Variants in OFD1 observed in about 807,000 individuals in gnomAD.
OFD1 encodes the protein OFD1 centriole and centriolar satellite protein.
In OFD1, 12 loss-of-function variants were observed where a neutral mutation model predicts 81.4. The ratio of observed to expected loss-of-function variants is 0.15; its 90% CI spans 0.09 to 0.24. The LOEUF (loss-of-function observed/expected upper bound fraction) is 0.24. Among genes scored for constraint, OFD1 ranks in the 10% least tolerant of loss-of-function variants. OFD1 has a pLI of 1.00. For synonymous variants in OFD1, 256 were observed against 263.7 expected (o/e 0.97, Z 0.28); for missense variants, 685 against 733.9 (o/e 0.93, Z 0.77).
At chrX:13,757,633 A>T in intron 13 of OFD1, 27 bp from the exon 14 acceptor site, 1 of 1,117,087 alleles carries the variant, frequency 9.0e-7, no homozygotes, top group Non-Finnish European at 1.2e-6. Flanking sequence ...AATGACTAGG[A>T]TTTTTTTTTT....
Position 13,756,658 on chromosome X carries a change from G to A in OFD1, c.1302G>A (p.Met434Ile), listed in dbSNP as rs1370872040. 11 of 1,200,648 alleles carry A rather than the reference G, an allele frequency of 9.2e-6. No individual in the cohort carries two copies. Among genetic ancestry groups the A allele is most frequent in the Non-Finnish European group, 1.2e-5 (11 of 887,262 alleles). ...TGCTGAATGAAAAGGTTAAAGAGAT[G>A]AGTGATTATTCACTACTAAAAGAAG... The part of the protein sequence containing the change: ...NHMLNEKVKE[M>I]SDYSLLKEEK... Residue 434 changes from methionine (M) to isoleucine (I), a missense_variant, in exon 13 of 23, where the codon ATG becomes ATA. Physicochemically the swap from Met to Ile is conservative, Grantham distance 10. Coordinates refer to ENST00000340096, the MANE Select transcript of OFD1 (RefSeq NM_003611.3).
intron 6 of OFD1, among the ~76,000 whole-genome samples, chrX:13,745,901 T>C (rs1043947803): frequency 2.7e-5 from 3 of 112,480 alleles, no homozygotes; most frequent in Non-Finnish European, 5.6e-5. Flanking sequence ...TTTAAAGTTA[T>C]TGTTTTGAAT....
intron 10 of OFD1, among the ~76,000 whole-genome samples, chrX:13,752,157 CTA>C (rs2047527725): frequency 8.9e-6 from 1 of 112,120 alleles, no homozygotes; most frequent in African/African-American, 3.2e-5. Flanking sequence ...CTAAAATTAA[CTA>C]TGTGAGGCAA....
chrX:13,737,958 T>C (rs2046937041), intron 3 of OFD1, among the ~76,000 whole-genome samples: 1 of 111,176 alleles, frequency 9.0e-6, no homozygotes. Flanking sequence ...CAAGCAATTC[T>C]CCTGCCTCAG....
At chrX:13,718,921 C>T in the OFD1 span, among the ~76,000 whole-genome samples, 21 of 110,838 alleles carry the variant, frequency 1.9e-4, no homozygotes, top group African/African-American at 6.6e-4. Flanking sequence ...TTTGGGAGGC[C>T]GAGGGCAGGC....
chrX:13,716,382 T>A, the OFD1 span: 1 of 729,944 alleles, frequency 1.4e-6, no homozygotes, highest in Non-Finnish European at 2.0e-6. Flanking sequence ...TTTTCCCCCC[T>A]AAAAAAAGAA....
At chrX:13,750,908 T>A (rs918427382) in intron 9 of OFD1, among the ~76,000 whole-genome samples, 1 of 112,771 alleles carries the variant, frequency 8.9e-6, no homozygotes, top group African/African-American at 3.2e-5. Flanking sequence ...ATTTGTTACT[T>A]TGTAACTAAT....
chrX:13,736,724 C>T (rs755502299), intron 3 of OFD1, 46 bp downstream of exon 3: 1 of 1,007,108 alleles, frequency 9.9e-7, no homozygotes, highest in Admixed American at 2.2e-5. Context: ...TTAACAGGTT[C>T]TTCCTCTGCT....
At chrX:13,755,516 G>A (rs1205103549) in intron 12 of OFD1, among the ~76,000 whole-genome samples, 1 of 111,531 alleles carries the variant, frequency 9.0e-6, no homozygotes, top group African/African-American at 3.3e-5. Flanking sequence ...GTGACTGCAG[G>A]TTCCTGAGCT....
At chrX:13,744,609 C>T (rs967850089) in intron 6 of OFD1, 90 bp downstream of exon 6, 2 of 609,700 alleles carry the variant, frequency 3.3e-6, no homozygotes, top group African/African-American at 4.4e-5. Context: ...TGTGATTGCT[C>T]CTTGAACTGG....
the OFD1 span, among the ~76,000 whole-genome samples, chrX:13,726,072 A>C: frequency 9.3e-6 from 1 of 107,286 alleles, no homozygotes; most frequent in Non-Finnish European, 1.9e-5. Flanking sequence ...AAGAATAAAA[A>C]GAAACGAACA....
At chrX:13,758,266 G>A (rs1435002640) in intron 14 of OFD1, 71 bp from the exon 15 acceptor site, 2 of 749,727 alleles carry the variant, frequency 2.7e-6, no homozygotes, top group Non-Finnish European at 2.1e-6. Flanking sequence ...CATGATAAGA[G>A]AACTTTTCCT....
chrX:13,715,649 A>T, the OFD1 span: 1 of 234,780 alleles, frequency 4.3e-6, no homozygotes, highest in Non-Finnish European at 6.3e-6. Flanking sequence ...TTTGTAAAGT[A>T]GATGGAAACA....
the OFD1 span, among the ~76,000 whole-genome samples, chrX:13,724,425 T>G: frequency 9.5e-6 from 1 of 105,601 alleles, no homozygotes; most frequent in Non-Finnish European, 1.9e-5. Context: ...AAAAAGAGGC[T>G]TTTTAGGCTA....
chrX:13,759,140 T>A (rs2047828374), intron 15 of OFD1, among the ~76,000 whole-genome samples: 1 of 112,155 alleles, frequency 8.9e-6, no homozygotes, highest in African/African-American at 3.2e-5. Flanking sequence ...TATTCTTCAG[T>A]TGCTTTCAAG....
At chrX:13,717,223 G>C in the OFD1 span, among the ~76,000 whole-genome samples, 8 of 110,418 alleles carry the variant, frequency 7.2e-5, no homozygotes, top group South Asian at 1.5e-3. Context: ...CCAGTGCATG[G>C]AGCTTACATG....
chrX:13,715,211 G>A, the OFD1 span, among the ~76,000 whole-genome samples: 10 of 113,001 alleles, frequency 8.8e-5, no homozygotes, highest in Non-Finnish European at 1.9e-4. Flanking sequence ...GGTGGCTCAC[G>A]CCTGTAATCC....
downstream of OFD1, chrX:13,771,553 C>G (rs1216671356): frequency 8.9e-6 from 1 of 111,900 alleles, no homozygotes; most frequent in East Asian, 2.8e-4. Context: ...ATCCAGGAAA[C>G]AGCCAAACCA....
At chrX:13,746,638 TAG>T (rs1424814241) in intron 7 of OFD1, 140 bp from the exon 8 acceptor site, 2 of 683,129 alleles carry the variant, frequency 2.9e-6, no homozygotes, top group East Asian at 3.5e-5. Flanking sequence ...ATCCTACAAA[TAG>T]AGTGAATGAG....
Sources: allele counts gnomAD v4.1 joint callset (sites outside exome capture counted in the v4.1 genomes callset), GRCh38; gene constraint gnomAD v4.1.1; transcripts MANE v1.5; gene names NCBI Gene and HGNC (gene_info 2026-07-23, HGNC 2026-07-21).